GIPC2: variants seen among roughly 807,000 people sequenced by gnomAD.
GIPC2 encodes GIPC PDZ domain containing family member 2, also known as PDZ domain-containing protein GIPC2.
GIPC2 carries 30 observed loss-of-function variants against 30.6 expected under a neutral mutation model. That is an observed-to-expected ratio of 0.98 (90% CI 0.73 to 1.33). The LOEUF is 1.33. Among genes scored for constraint, GIPC2 ranks in the 40% most tolerant of loss-of-function variants. The pLI, the probability that GIPC2 is intolerant of heterozygous loss-of-function variation, is 0.00. For missense variants in GIPC2, 414 were observed against 390.3 expected (o/e 1.06, Z -0.51); for synonymous variants, 167 against 150.0 (o/e 1.11, Z -0.83).
chr1:78,135,630 C>A lies in GIPC2; in HGVS notation c.835C>A (p.Pro279Thr). 6.2e-7 allele frequency: 1 copy of A among 1,602,660 alleles called. No individual in the cohort carries two copies. The highest frequency in any genetic ancestry group is 8.5e-7 in the Non-Finnish European group (1 of 1,171,948). Residue 279 changes from proline (P) to threonine (T), a missense_variant, in exon 6 of 6, where the codon CCA becomes ACA. By Grantham distance (38) the Pro-to-Thr change is conservative (BLOSUM62 -1). Coordinates refer to ENST00000370759, the MANE Select transcript of GIPC2 (RefSeq NM_017655.6). ...MFEAGKDKVN[P>T]DEFAVALDET... ...TGAAGCTGGAAAGGACAAAGTAAAT[C>A]CAGATGAATTTGCTGTGGCACTTGA...
At chr1:78,059,870 C>G (rs1478273182) in intron 1 of GIPC2, among the ~76,000 whole-genome samples, 1 of 152,092 alleles carries the variant, frequency 6.6e-6, no homozygotes, top group African/African-American at 2.4e-5. Flanking sequence ...AACTGAAGTG[C>G]CAATAGCACT....
chr1:78,082,401 G>A (rs897944839), intron 2 of GIPC2, among the ~76,000 whole-genome samples: 1 of 152,076 alleles, frequency 6.6e-6, no homozygotes, highest in Admixed American at 6.6e-5. Flanking sequence ...TGGGACTTTC[G>A]CTACCCACTT....
At chr1:78,112,536 G>T in intron 3 of GIPC2, 1 of 519,000 alleles carries the variant, frequency 1.9e-6, no homozygotes, top group Non-Finnish European at 3.8e-6. Context: ...CCATACTCCA[G>T]GCCAACCAGG....
chr1:78,071,544 CCTT>C (rs1039277552), intron 1 of GIPC2, among the ~76,000 whole-genome samples: 113 of 150,178 alleles, frequency 7.5e-4, no homozygotes, highest in Non-Finnish European at 1.1e-3. Context: ...CCTTCCTTCT[CCTT>C]CTTCTTCTTC....
At chr1:78,107,936 A>G (rs1341398451) in intron 3 of GIPC2, among the ~76,000 whole-genome samples, 2 of 150,288 alleles carry the variant, frequency 1.3e-5, no homozygotes, top group Non-Finnish European at 3.0e-5. Flanking sequence ...GATGCTCCTC[A>G]TTAAACAATT....
chr1:78,118,429 T>C (rs1242356525), intron 3 of GIPC2, among the ~76,000 whole-genome samples: 1 of 151,154 alleles, frequency 6.6e-6, no homozygotes, highest in East Asian at 1.9e-4. Flanking sequence ...GGGGCCTACA[T>C]AGGGCACATT....
intron 3 of GIPC2, among the ~76,000 whole-genome samples, chr1:78,099,803 G>A (rs1662207140): frequency 6.6e-6 from 1 of 151,500 alleles, no homozygotes; most frequent in South Asian, 2.1e-4. Flanking sequence ...CTTACTTAGT[G>A]GATGAATTGG....
Position 78,136,614 on chromosome 1 carries a change from T to C in GIPC2, c.*871T>C, listed in dbSNP as rs1371455166. 6.7e-6 allele frequency: 1 copy of C among 148,674 alleles called. No individual in the cohort carries two copies. Among genetic ancestry groups the C allele is most frequent in the African/African-American group, 2.5e-5 (1 of 40,752 alleles). 9.2% of individuals were successfully genotyped at this position (148,674 alleles called of 1,614,324 possible). ...AAATAACTATGCTTTAGAACTTTTT[T>C]TTTTTTTTTTTTTTTGGTTAAACAG... On this transcript the variant is annotated 3_prime_UTR_variant, in exon 6 of 6. Transcript: ENST00000370759.
upstream of GIPC2, chr1:78,045,074 G>T (rs1557522123): frequency 1.0e-6 from 1 of 983,786 alleles, no homozygotes; most frequent in South Asian, 4.7e-5. Flanking sequence ...TAAGAAGAAT[G>T]AAATGGGCAA....
At position 78,046,290 on chromosome 1, in the gene GIPC2, C is replaced by T. The variant is rs1189946562; in HGVS notation, c.196C>T (p.Leu66Phe). The part of the protein sequence containing the change: ...RVEGFSSIQE[L>F]YAQIAGAFEI... ...GGAGGGCTTCTCCAGCATCCAGGAG[C>T]TCTACGCCCAGATCGCGGGCGCGTT... is the stretch of plus-strand genomic sequence containing the variant. The change falls in exon 1 of 6, where the codon CTC becomes TTC. Residue 66 changes from leucine to phenylalanine, a missense_variant. Coordinates refer to ENST00000370759, the MANE Select transcript of GIPC2 (RefSeq NM_017655.6). 3 of 1,612,010 alleles carry T rather than the reference C, an allele frequency of 1.9e-6. No homozygotes were observed. The highest frequency in any genetic ancestry group is 3.3e-5 in the Admixed American group (2 of 59,978).
chr1:78,099,323 A>G (rs1449923886), intron 3 of GIPC2, among the ~76,000 whole-genome samples: 1 of 152,110 alleles, frequency 6.6e-6, no homozygotes, highest in Non-Finnish European at 1.5e-5. Flanking sequence ...TATGAAAAAA[A>G]TAAATAAATT....
rs1350694748 is a variant in GIPC2 at position 78,136,534 on chromosome 1, A to G, written c.*791A>G. 6.8e-6 allele frequency: 1 copy of G among 147,886 alleles called. No homozygotes were observed. Among genetic ancestry groups the G allele is most frequent in the Non-Finnish European group, 1.5e-5 (1 of 67,110 alleles). 9.2% of individuals were successfully genotyped at this position (147,886 alleles called of 1,614,324 possible). A position where few individuals can be genotyped will look rare whatever the true frequency, so the allele number is the denominator to read the frequency against. On this transcript the variant is annotated 3_prime_UTR_variant, in exon 6 of 6. Coordinates refer to ENST00000370759, the MANE Select transcript of GIPC2 (RefSeq NM_017655.6). ...CACTTTTATGTTACCTTTTATAAGC[A>G]CTCCAGGGAAGATTTTATATTTTTT...
intron 3 of GIPC2, among the ~76,000 whole-genome samples, chr1:78,098,751 C>G (rs975534764): frequency 6.6e-6 from 1 of 151,542 alleles, no homozygotes; most frequent in Non-Finnish European, 1.5e-5. Context: ...TTTGGGTGGG[C>G]CCTAATCCAA....
intron 1 of GIPC2, among the ~76,000 whole-genome samples, chr1:78,053,745 T>TTA (rs372481466): frequency 1.1e-5 from 1 of 88,680 alleles, no homozygotes; most frequent in Non-Finnish European, 2.0e-5. Context: ...CCCTGCCTCT[T>TTA]AAAAAAAAAA....
intron 5 of GIPC2, among the ~76,000 whole-genome samples, chr1:78,133,369 C>T (rs1276619881): frequency 6.6e-6 from 1 of 152,162 alleles, no homozygotes; most frequent in Non-Finnish European, 1.5e-5. Flanking sequence ...GTTGAAAATG[C>T]AGAATCTCAG....
intron 2 of GIPC2, among the ~76,000 whole-genome samples, chr1:78,093,974 A>G (rs974290477): frequency 1.3e-5 from 2 of 152,024 alleles, no homozygotes; most frequent in Non-Finnish European, 2.9e-5. Flanking sequence ...TTGATACTTT[A>G]CCCTACAGAT....
intron 1 of GIPC2, among the ~76,000 whole-genome samples, chr1:78,062,145 G>A (rs1661405707): frequency 6.6e-6 from 1 of 152,188 alleles, no homozygotes; most frequent in Non-Finnish European, 1.5e-5. Flanking sequence ...GGGATACACA[G>A]TAACAAAGTT....
intron 3 of GIPC2, among the ~76,000 whole-genome samples, chr1:78,097,928 CT>C (rs1662168532): frequency 6.6e-6 from 1 of 152,150 alleles, no homozygotes; most frequent in Admixed American, 6.5e-5. Context: ...TTGTACCCAT[CT>C]TGATAATGGG....
intron 3 of GIPC2, among the ~76,000 whole-genome samples, chr1:78,100,962 A>G (rs1176355019): frequency 1.3e-5 from 2 of 150,838 alleles, no homozygotes; most frequent in African/African-American, 4.9e-5. Flanking sequence ...ACACACACAC[A>G]CACACACACA....
Sources: gnomAD v4.1 joint callset for allele counts (sites outside exome capture counted in the v4.1 genomes callset) on GRCh38, gnomAD v4.1.1 for gene constraint, MANE v1.5 for transcripts, NCBI Gene and HGNC (gene_info 2026-07-23, HGNC 2026-07-21) for gene names.